Variants in SLC6A11 observed in about 807,000 individuals in gnomAD.
The protein encoded by SLC6A11 is sodium- and chloride-dependent GABA transporter 3.
Under a neutral mutation model 74.8 loss-of-function variants are expected in SLC6A11, and 25 were observed. The observed-to-expected ratio is 0.33, with a 90% CI of 0.24 to 0.47. The LOEUF is 0.47. Among genes scored for constraint, SLC6A11 ranks in the 20% least tolerant of loss-of-function variants. The pLI is 1.00. For synonymous variants in SLC6A11, 330 were observed against 330.2 expected, an observed-to-expected ratio of 1.00 and a Z score of 0.01; for missense variants, 574 against 837.0, an observed-to-expected ratio of 0.69 and a Z score of 3.88.
chr3:10,930,898 G>A (rs898060701), intron 10 of SLC6A11, among the ~76,000 whole-genome samples: 3 of 152,168 alleles, frequency 2.0e-5, no homozygotes, highest in African/African-American at 4.8e-5. Context: ...ATCAGCAGGC[G>A]CTGGGGCTTC....
intron 6 of SLC6A11, among the ~76,000 whole-genome samples, chr3:10,880,498 G>A (rs1423088408): frequency 6.6e-6 from 1 of 152,190 alleles, no homozygotes; most frequent in Non-Finnish European, 1.5e-5. Context: ...TCTATAGCCA[G>A]TAAAATCTCT....
chr3:10,928,052 T>C (rs371014760), intron 9 of SLC6A11, among the ~76,000 whole-genome samples: 11 of 152,286 alleles, frequency 7.2e-5, no homozygotes, highest in South Asian at 2.1e-4. Flanking sequence ...TCCTCTGTGC[T>C]TCTGTGTCTT....
At chr3:10,920,796 T>A (rs1695527298) in intron 8 of SLC6A11, among the ~76,000 whole-genome samples, 1 of 152,264 alleles carries the variant, frequency 6.6e-6, no homozygotes, top group Non-Finnish European at 1.5e-5. Context: ...CAGTGCAGCC[T>A]GGATCCGGTC....
chr3:10,926,634 G>A lies in SLC6A11; in HGVS notation c.1233+518G>A, dbSNP rs1016947887. 1.4e-4 allele frequency among the ~76,000 whole-genome samples: 21 copies of A among 152,090 alleles called. No individual in the cohort carries two copies. The highest frequency in any genetic ancestry group is 4.2e-4 in the South Asian group (2 of 4,804). ...CCACCGCCTGCCTGTCTCTGTGCTC[G>A]GCCCTCCCTAGAGGCCCCTTGCCAA... On this transcript the variant is annotated intron_variant, in intron 9 of 13. Transcript: ENST00000254488. This position sits in a 1 kb window ranked among gnomAD's most constrained non-coding sequence, Gnocchi z 5.7.
chr3:10,916,787 A>G (rs983491858), intron 7 of SLC6A11, among the ~76,000 whole-genome samples: 1 of 152,218 alleles, frequency 6.6e-6, no homozygotes, highest in East Asian at 1.9e-4. Flanking sequence ...AGGTCAAGAA[A>G]TTCTGTTATC....
chr3:10,823,222 C>T, intron 3 of SLC6A11, 80 bp from the exon 4 acceptor site: 4 of 1,022,548 alleles, frequency 3.9e-6, no homozygotes, highest in Admixed American at 1.8e-5. Context: ...CCTAGTTGCG[C>T]ATCAGCTCTG....
At position 10,935,080 on chromosome 3, in the gene SLC6A11, A is replaced by T. The variant is rs372018728; in HGVS notation, c.1627A>T (p.Ile543Phe). ...IKYKPLKYNNIYTYPAWGYGI... is the reference protein window; with the variant it reads ...IKYKPLKYNNFYTYPAWGYGI... ...GTACAAGCCACTCAAGTACAACAAC[A>T]TCTACACCTACCCAGCCTGGGGCTA... Residue 543 changes from isoleucine to phenylalanine, a missense_variant, in exon 13 of 14, where the codon ATC (isoleucine) becomes TTC (phenylalanine). By Grantham distance (21) the Ile-to-Phe change is conservative. Coordinates refer to ENST00000254488, the MANE Select transcript of SLC6A11 (RefSeq NM_014229.3). 6.2e-7 allele frequency: 1 copy of T among 1,614,034 alleles called. No homozygotes were observed. Among genetic ancestry groups the T allele is most frequent in the Non-Finnish European group, 8.5e-7 (1 of 1,179,956 alleles).
chr3:10,908,613 A>G (rs955329966), intron 6 of SLC6A11, among the ~76,000 whole-genome samples: 4 of 152,112 alleles, frequency 2.6e-5, no homozygotes, highest in African/African-American at 9.7e-5. Context: ...CCTTAGCACA[A>G]GTTTCTCTTT....
chr3:10,876,755 C>T (rs1326296283), intron 6 of SLC6A11, among the ~76,000 whole-genome samples: 1 of 76,326 alleles, frequency 1.3e-5, no homozygotes, highest in African/African-American at 4.4e-5. Context: ...CCCCCCGCCC[C>T]ACCTCCCACA....
chr3:10,883,782 T>C (rs546460608), intron 6 of SLC6A11, among the ~76,000 whole-genome samples: 1 of 152,152 alleles, frequency 6.6e-6, no homozygotes, highest in South Asian at 2.1e-4. Context: ...CAAACAAAAA[T>C]GTCCATATCG....
At chr3:10,883,891 G>C (rs563397783) in intron 6 of SLC6A11, among the ~76,000 whole-genome samples, 67 of 152,134 alleles carry the variant, frequency 4.4e-4, no homozygotes, top group African/African-American at 1.5e-3. Context: ...AATCCCCCAA[G>C]GTTTCCTTTC....
chr3:10,924,272 A>G (rs1695573245), intron 8 of SLC6A11, among the ~76,000 whole-genome samples: 1 of 152,234 alleles, frequency 6.6e-6, no homozygotes, highest in African/African-American at 2.4e-5. Context: ...GCAAGGATGT[A>G]TGCTGTCTCT....
intron 5 of SLC6A11, among the ~76,000 whole-genome samples, chr3:10,855,220 T>G (rs1559561264): frequency 6.6e-6 from 1 of 152,224 alleles, no homozygotes; most frequent in Non-Finnish European, 1.5e-5. Context: ...ACAAGCATCC[T>G]GTGGAGTAGA....
At chr3:10,931,467 T>C (rs1695685744) in intron 10 of SLC6A11, among the ~76,000 whole-genome samples, 1 of 152,144 alleles carries the variant, frequency 6.6e-6, no homozygotes, top group Admixed American at 6.5e-5. Flanking sequence ...TCAGACCTGC[T>C]CCTGACCCCC....
intron 6 of SLC6A11, among the ~76,000 whole-genome samples, chr3:10,891,879 T>G (rs1426190336): frequency 6.6e-6 from 1 of 152,240 alleles, no homozygotes; most frequent in African/African-American, 2.4e-5. Context: ...GCTTCCATGT[T>G]AATAAACCCT....
At chr3:10,856,104 A>C (rs1192398688) in intron 5 of SLC6A11, among the ~76,000 whole-genome samples, 1 of 152,238 alleles carries the variant, frequency 6.6e-6, no homozygotes, top group Non-Finnish European at 1.5e-5. Context: ...ATTTCGTGGC[A>C]GTCACTCAAC....
At chr3:10,826,673 TA>T (rs1170540674) in intron 4 of SLC6A11, among the ~76,000 whole-genome samples, 1 of 152,202 alleles carries the variant, frequency 6.6e-6, no homozygotes, top group Non-Finnish European at 1.5e-5. Context: ...ATTTATAAAC[TA>T]GATGGATGGA....
At position 10,940,684 on chromosome 3, in the gene SLC6A11, C is replaced by T. The variant is rs1695814021; in HGVS notation, c.*2282C>T. The T allele has an allele frequency of 1.3e-5, 2 of 152,222 alleles. No homozygotes were observed. The highest frequency in any genetic ancestry group is 4.8e-5 in the African/African-American group (2 of 41,458). The allele number at this position is 152,222 out of a possible 1,614,324, so 9.4% of individuals were successfully genotyped here. ...AAGGGTGCAAGATTGTCTGCTTACT[C>T]ATTTTTAAAAATTAAAGAAATGAAC... On this transcript the variant is annotated 3_prime_UTR_variant, in exon 14 of 14. Coordinates refer to ENST00000254488, the MANE Select transcript of SLC6A11 (RefSeq NM_014229.3).
intron 13 of SLC6A11, among the ~76,000 whole-genome samples, chr3:10,937,102 T>C (rs1196395695): frequency 3.9e-5 from 6 of 152,154 alleles, no homozygotes; most frequent in Non-Finnish European, 8.8e-5. Context: ...GCGTCAGTGA[T>C]GCGCTCTGAG....
Sources: allele counts gnomAD v4.1 joint callset (sites outside exome capture counted in the v4.1 genomes callset), GRCh38; gene constraint gnomAD v4.1.1; non-coding constraint Gnocchi (gnomAD v3.1); transcripts MANE v1.5; gene names NCBI Gene and HGNC (gene_info 2026-07-23, HGNC 2026-07-21).